Variants in NALF1 observed in about 807,000 individuals in gnomAD.
NALF1 encodes family with sequence similarity 155 member A.
In NALF1, 3 loss-of-function variants were observed where a neutral mutation model predicts 48.4. The ratio of observed to expected loss-of-function variants is 0.06; its 90% CI spans 0.03 to 0.16. NALF1 has a LOEUF of 0.16. NALF1 is among the 10% of genes least tolerant of loss of function. The pLI is 1.00. For synonymous variants in NALF1, 262 were observed against 245.7 expected, an observed-to-expected ratio of 1.07 and a Z score of -0.62; for missense variants, 526 against 571.5, an observed-to-expected ratio of 0.92 and a Z score of 0.81.
chr13:107,531,489 T>G (rs894931078), intron 1 of NALF1, among the ~76,000 whole-genome samples: 14 of 152,090 alleles, frequency 9.2e-5, no homozygotes, highest in Non-Finnish European at 2.1e-4. Flanking sequence ...TGAAGAATCA[T>G]GAGCCAATTA....
rs891422005 is a variant in NALF1 at position 107,859,205 on chromosome 13, T to C, written c.915+6477A>G. Among the ~76,000 whole-genome samples the C allele has an allele frequency of 6.6e-5, 10 of 152,324 alleles. No homozygotes were observed. The East Asian group carries it at 1.9e-3, about 29-fold the overall frequency. On this transcript the variant is annotated intron_variant, in intron 1 of 2. Coordinates refer to ENST00000375915, the MANE Select transcript of NALF1 (RefSeq NM_001080396.3). The stretch of plus-strand genomic sequence containing the variant: ...AGAGGCTAAGTCAGCAATTTCTTAA[T>C]GTTGATAGAACTCATTTTTCTTCTT...
At chr13:107,507,594 T>TAAAAAAAA (rs548709767) in intron 1 of NALF1, among the ~76,000 whole-genome samples, 1 of 86,420 alleles carries the variant, frequency 1.2e-5, no homozygotes, top group Non-Finnish European at 2.0e-5. Flanking sequence ...TATTCTCCAT[T>TAAAAAAAA]AAAAAAAAAA....
At chr13:107,327,626 A>T (rs1013454521) in intron 1 of NALF1, among the ~76,000 whole-genome samples, 2 of 76,738 alleles carry the variant, frequency 2.6e-5, no homozygotes, top group Non-Finnish European at 6.3e-5. Context: ...CAATACTTTT[A>T]AAAAACTTTT....
chr13:107,730,692 T>G (rs1344785180), intron 1 of NALF1, among the ~76,000 whole-genome samples: 3 of 152,162 alleles, frequency 2.0e-5, no homozygotes, highest in Non-Finnish European at 4.4e-5. Flanking sequence ...TCACACTTCT[T>G]TAATGTCTTG....
chr13:107,382,944 C>A (rs995665840), intron 1 of NALF1, among the ~76,000 whole-genome samples: 6 of 152,168 alleles, frequency 3.9e-5, no homozygotes, highest in Non-Finnish European at 7.3e-5. Context: ...GAATTGATTG[C>A]AAGATATCCA....
At chr13:107,327,455 T>C (rs1416205896) in intron 1 of NALF1, among the ~76,000 whole-genome samples, 3 of 152,250 alleles carry the variant, frequency 2.0e-5, no homozygotes, top group Non-Finnish European at 4.4e-5. Context: ...CATTCTATAA[T>C]GGGCGATATT....
At chr13:107,270,671 A>T (rs1340886557) in intron 1 of NALF1, among the ~76,000 whole-genome samples, 3 of 35,842 alleles carry the variant, frequency 8.4e-5, no homozygotes, top group African/African-American at 1.5e-4. Context: ...ATATATTTTT[A>T]TTATTATTAT....
intron 1 of NALF1, among the ~76,000 whole-genome samples, chr13:107,429,244 C>A (rs1320632222): frequency 2.0e-5 from 3 of 151,848 alleles, no homozygotes; most frequent in African/African-American, 7.3e-5. Flanking sequence ...ATTGCCTGAA[C>A]CCGGGACATG....
At chr13:107,551,809 G>A (rs1463750903) in intron 1 of NALF1, among the ~76,000 whole-genome samples, 2 of 152,060 alleles carry the variant, frequency 1.3e-5, no homozygotes, top group Non-Finnish European at 2.9e-5. Flanking sequence ...GTTAAAGTAT[G>A]AATATGTTTC....
At chr13:107,216,397 C>T (rs970555817) in intron 1 of NALF1, among the ~76,000 whole-genome samples, 1 of 152,164 alleles carries the variant, frequency 6.6e-6, no homozygotes, top group Non-Finnish European at 1.5e-5. Flanking sequence ...AATTGGAAAT[C>T]GTGATATATT....
At chr13:107,561,752 C>G (rs892533946) in intron 1 of NALF1, among the ~76,000 whole-genome samples, 8 of 152,140 alleles carry the variant, frequency 5.3e-5, no homozygotes, top group African/African-American at 1.9e-4. Flanking sequence ...TTTCATCTTC[C>G]CCACTTCCTG....
At chr13:107,817,223 G>A (rs1879194996) in intron 1 of NALF1, among the ~76,000 whole-genome samples, 1 of 152,300 alleles carries the variant, frequency 6.6e-6, no homozygotes, top group South Asian at 2.1e-4. Context: ...CACTGCTGAA[G>A]ACAAAAAGCA....
At chr13:107,566,879 C>A (rs998967864) in intron 1 of NALF1, among the ~76,000 whole-genome samples, 4 of 152,156 alleles carry the variant, frequency 2.6e-5, no homozygotes, top group Non-Finnish European at 5.9e-5. Flanking sequence ...TCTGTCCAGG[C>A]CAGCTGCCCA....
chr13:107,438,804 GA>G (rs1884503963), intron 1 of NALF1, among the ~76,000 whole-genome samples: 1 of 95,202 alleles, frequency 1.1e-5, no homozygotes, highest in Non-Finnish European at 1.9e-5. Context: ...CTCCAGCCTG[GA>G]TGACAGAGTG....
At chr13:107,637,320 T>A (rs192523773) in intron 1 of NALF1, among the ~76,000 whole-genome samples, 1 of 152,154 alleles carries the variant, frequency 6.6e-6, no homozygotes, top group African/African-American at 2.4e-5. Flanking sequence ...TTATTCATGA[T>A]GTAATTATTC....
intron 1 of NALF1, among the ~76,000 whole-genome samples, chr13:107,688,997 C>A (rs1198895107): frequency 6.6e-6 from 1 of 152,200 alleles, no homozygotes; most frequent in Non-Finnish European, 1.5e-5. Flanking sequence ...GGACAAATGG[C>A]ACGGAACAAA....
intron 1 of NALF1, among the ~76,000 whole-genome samples, chr13:107,536,736 C>A (rs1476671306): frequency 6.6e-6 from 1 of 152,112 alleles, no homozygotes; most frequent in African/African-American, 2.4e-5. Context: ...TGGGTATATA[C>A]CCAAAGGATT....
intron 1 of NALF1, among the ~76,000 whole-genome samples, chr13:107,234,705 G>GAA (rs112420394): frequency 1.3e-4 from 19 of 151,014 alleles, no homozygotes; most frequent in African/African-American, 3.4e-4. Context: ...CATAAGCTTA[G>GAA]AAAAAAAAAC....
At chr13:107,562,916 A>C (rs1877689310) in intron 1 of NALF1, among the ~76,000 whole-genome samples, 1 of 152,122 alleles carries the variant, frequency 6.6e-6, no homozygotes, top group Non-Finnish European at 1.5e-5. Flanking sequence ...CCACTTCCTA[A>C]CTGCCAAAGT....
Sources: gnomAD v4.1 joint callset for allele counts (sites outside exome capture counted in the v4.1 genomes callset) on GRCh38, gnomAD v4.1.1 for gene constraint, MANE v1.5 for transcripts, NCBI Gene and HGNC (gene_info 2026-07-23, HGNC 2026-07-21) for gene names.